ULK4: variants seen among roughly 807,000 people sequenced by gnomAD.
ULK4 encodes inactive serine/threonine-protein kinase ULK4.
A neutral mutation model predicts 160.6 loss-of-function variants in ULK4; 133 were observed. That is an observed-to-expected ratio of 0.83 (90% CI 0.72 to 0.96). ULK4 has a LOEUF of 0.96. Among genes scored for constraint, ULK4 ranks in the 40% least tolerant of loss-of-function variants. The probability of loss-of-function intolerance (pLI) is 0.00; values close to 1 mark genes in which losing one functional copy is unlikely to be tolerated. For missense variants in ULK4, 1,580 were observed against 1,499.5 expected (o/e 1.05, Z -0.89); for synonymous variants, 534 against 539.8 (o/e 0.99, Z 0.15).
At chr3:41,582,896 C>G (rs897000927) in intron 31 of ULK4, among the ~76,000 whole-genome samples, 6 of 152,140 alleles carry the variant, frequency 3.9e-5, no homozygotes, top group African/African-American at 1.4e-4. Flanking sequence ...TCTTAAGAAC[C>G]CTCTGAGCCT....
At chr3:41,854,549 G>A (rs1468780487) in intron 17 of ULK4, among the ~76,000 whole-genome samples, 6 of 152,130 alleles carry the variant, frequency 3.9e-5, no homozygotes, top group Admixed American at 1.3e-4. Context: ...GGTAAATTGA[G>A]CATCAGGTGT....
Position 41,453,254 on chromosome 3 carries a change from C to T in ULK4, c.3492+2243G>A, listed in dbSNP as rs532021432. Among the ~76,000 whole-genome samples, 542 of 152,224 alleles carry T rather than the reference C, an allele frequency of 3.6e-3. 1 individual carries two copies. Among genetic ancestry groups the T allele is most frequent in the Middle Eastern group, 0.024 (7 of 294 alleles). On this transcript the variant is annotated intron_variant, in intron 34 of 36. Transcript: ENST00000301831. ...GCAGTGGTGTCATCATTGCTGGCTG[C>T]CGCCTCACACTCCTGGGCTCAAGCA...
chr3:41,825,655 T>C (rs1197643853), intron 18 of ULK4, among the ~76,000 whole-genome samples: 1 of 152,150 alleles, frequency 6.6e-6, no homozygotes, highest in African/African-American at 2.4e-5. Context: ...AATACGGGAC[T>C]ATGTGAAAAG....
intron 20 of ULK4, among the ~76,000 whole-genome samples, chr3:41,794,175 A>G (rs935323922): frequency 4.6e-4 from 70 of 152,164 alleles, no homozygotes; most frequent in African/African-American, 1.7e-3. Context: ...CAGGTCAGAA[A>G]ATCACTGACA....
intron 22 of ULK4, among the ~76,000 whole-genome samples, chr3:41,735,732 T>C (rs1051749619): frequency 5.1e-5 from 7 of 136,156 alleles, no homozygotes; most frequent in African/African-American, 1.6e-4. Context: ...AGTTTTAGGG[T>C]ACATGTGCAC....
chr3:41,269,201 T>C (rs1290626421), intron 35 of ULK4, among the ~76,000 whole-genome samples: 1 of 152,174 alleles, frequency 6.6e-6, no homozygotes, highest in East Asian at 1.9e-4. Flanking sequence ...ATTTTGTATT[T>C]AGGGTATAAT....
chr3:41,320,180 T>C (rs2080220596), intron 35 of ULK4, among the ~76,000 whole-genome samples: 2 of 152,142 alleles, frequency 1.3e-5, no homozygotes, highest in Non-Finnish European at 2.9e-5. Flanking sequence ...TGAGCTTCTG[T>C]TTCCCCAACT....
chr3:41,463,972 C>G (rs2125879790), intron 32 of ULK4, among the ~76,000 whole-genome samples: 1 of 147,588 alleles, frequency 6.8e-6, no homozygotes, highest in Non-Finnish European at 1.5e-5. Flanking sequence ...TGAATGAGAA[C>G]TTTGGAATCA....
intron 32 of ULK4, among the ~76,000 whole-genome samples, chr3:41,481,257 G>A (rs2084312810): frequency 6.6e-6 from 1 of 152,088 alleles, no homozygotes. Context: ...TATTTAACAT[G>A]TTTTAATTTA....
At chr3:41,615,775 T>C in intron 30 of ULK4, 58 bp from the exon 31 acceptor site, 1 of 1,505,568 alleles carries the variant, frequency 6.6e-7, no homozygotes, top group Non-Finnish European at 9.1e-7. Context: ...TTTGCACTGA[T>C]GGCCTGATAT....
chr3:41,250,530 G>A (rs1190334021), intron 35 of ULK4, among the ~76,000 whole-genome samples: 3 of 152,218 alleles, frequency 2.0e-5, no homozygotes, highest in East Asian at 1.9e-4. Flanking sequence ...GAGCCAGACT[G>A]TCTCCCCACC....
At chr3:41,848,329 C>T (rs1371744293) in intron 17 of ULK4, among the ~76,000 whole-genome samples, 1 of 152,172 alleles carries the variant, frequency 6.6e-6, no homozygotes, top group Non-Finnish European at 1.5e-5. Flanking sequence ...ACTTTACAAA[C>T]TTCCTGGATT....
At position 41,691,070 on chromosome 3, in the gene ULK4, G is replaced by A. The variant is rs368263236; in HGVS notation, c.2782-9266C>T. On this transcript the variant is annotated intron_variant, in intron 27 of 36. Coordinates refer to ENST00000301831, the MANE Select transcript of ULK4 (RefSeq NM_017886.4). ...GAAACTGGTGATCAGAAGCTTCCTC[G>A]TAAGATCTAAGGAGTTAGGTGACTG... Among the ~76,000 whole-genome samples the A allele has an allele frequency of 8.6e-5, 13 of 151,978 alleles. No individual in the cohort carries two copies. In the South Asian group the frequency reaches 1.9e-3, roughly 22 times the overall value.
At chr3:41,510,011 G>T (rs747739010) in intron 32 of ULK4, among the ~76,000 whole-genome samples, 5 of 152,126 alleles carry the variant, frequency 3.3e-5, no homozygotes, top group Non-Finnish European at 5.9e-5. Flanking sequence ...ATGGCCTAAA[G>T]GCACCACTTA....
At chr3:41,261,161 A>T (rs1417795508) in intron 35 of ULK4, among the ~76,000 whole-genome samples, 1 of 151,828 alleles carries the variant, frequency 6.6e-6, no homozygotes, top group Non-Finnish European at 1.5e-5. Context: ...TGTTGGATTC[A>T]CTTTTACCTA....
chr3:41,436,366 G>A (rs2083038802), intron 34 of ULK4, among the ~76,000 whole-genome samples: 1 of 152,122 alleles, frequency 6.6e-6, no homozygotes, highest in Non-Finnish European at 1.5e-5. Context: ...TATATTTTTG[G>A]TTGATGCTTT....
intron 35 of ULK4, among the ~76,000 whole-genome samples, chr3:41,285,528 G>C (rs2079440114): frequency 6.6e-6 from 1 of 152,124 alleles, no homozygotes; most frequent in Non-Finnish European, 1.5e-5. Flanking sequence ...CCGATACATG[G>C]GAGCTAAGCT....
intron 19 of ULK4, among the ~76,000 whole-genome samples, chr3:41,803,090 G>T (rs2040515760): frequency 6.6e-6 from 1 of 151,054 alleles, no homozygotes; most frequent in African/African-American, 2.5e-5. Context: ...GCTTGAACCA[G>T]GACCCAGGAG....
intron 12 of ULK4, among the ~76,000 whole-genome samples, chr3:41,901,730 T>G (rs1312738806): frequency 1.3e-5 from 2 of 151,820 alleles, no homozygotes; most frequent in East Asian, 3.9e-4. Flanking sequence ...TCCACCCAAC[T>G]TGGCCTCCCA....
Sources: gnomAD v4.1 joint callset for allele counts (sites outside exome capture counted in the v4.1 genomes callset) on GRCh38, gnomAD v4.1.1 for gene constraint, MANE v1.5 for transcripts, NCBI Gene and HGNC (gene_info 2026-07-23, HGNC 2026-07-21) for gene names.